The following FBXL17 variants were observed in gnomAD, a reference collection of about 807,000 sequenced individuals.
The protein encoded by FBXL17 is F-box/LRR-repeat protein 17.
A neutral mutation model predicts 66.2 loss-of-function variants in FBXL17; 22 were observed. The ratio of observed to expected loss-of-function variants is 0.33; its 90% CI spans 0.24 to 0.47. The LOEUF (loss-of-function observed/expected upper bound fraction) is 0.47. Among genes scored for constraint, FBXL17 ranks in the 20% least tolerant of loss-of-function variants. The pLI, the probability that FBXL17 is intolerant of heterozygous loss-of-function variation, is 1.00. For missense variants in FBXL17, 878 were observed against 948.2 expected (o/e 0.93, Z 0.97); for synonymous variants, 474 against 400.5 (o/e 1.18, Z -2.19).
intron 7 of FBXL17, among the ~76,000 whole-genome samples, chr5:107,913,999 T>G (rs1750043247): frequency 6.6e-6 from 1 of 151,748 alleles, no homozygotes; most frequent in African/African-American, 2.4e-5. Context: ...CAGGAGGCAC[T>G]TCACACAATG....
At chr5:108,348,638 T>A (rs1047984756) in intron 3 of FBXL17, 108 bp from the exon 4 acceptor site, 1 of 1,060,692 alleles carries the variant, frequency 9.4e-7, no homozygotes, top group Admixed American at 2.4e-5. Flanking sequence ...GAGTTAAATA[T>A]TTATGTTACT....
At chr5:107,891,929 G>A (rs879461020) in intron 7 of FBXL17, among the ~76,000 whole-genome samples, 9 of 151,958 alleles carry the variant, frequency 5.9e-5, no homozygotes, top group Non-Finnish European at 1.3e-4. Context: ...TAAACCCATC[G>A]TAAGTTGAAA....
intron 4 of FBXL17, among the ~76,000 whole-genome samples, chr5:108,309,360 T>C (rs1410083354): frequency 1.3e-5 from 2 of 152,008 alleles, no homozygotes; most frequent in Non-Finnish European, 2.9e-5. Flanking sequence ...GAAAGAACTC[T>C]GTAAAAGTAC....
At chr5:107,993,120 C>G (rs1256781788) in intron 7 of FBXL17, among the ~76,000 whole-genome samples, 1 of 152,182 alleles carries the variant, frequency 6.6e-6, no homozygotes, top group African/African-American at 2.4e-5. Flanking sequence ...TGGTCTCGAT[C>G]TCCTGACCTC....
intron 7 of FBXL17, among the ~76,000 whole-genome samples, chr5:107,910,302 G>A (rs952165151): frequency 4.6e-5 from 7 of 152,086 alleles, no homozygotes; most frequent in African/African-American, 1.2e-4. Flanking sequence ...AACTTAATGA[G>A]TGATAAATTA....
chr5:108,153,234 T>C (rs1371256972), intron 6 of FBXL17, among the ~76,000 whole-genome samples: 3 of 152,210 alleles, frequency 2.0e-5, no homozygotes, highest in Non-Finnish European at 2.9e-5. Context: ...TACAGCAGCC[T>C]ATATTTTATC....
intron 7 of FBXL17, among the ~76,000 whole-genome samples, chr5:108,012,107 ATTTTAGTT>A (rs533085821): frequency 1.4e-3 from 211 of 152,294 alleles, no homozygotes; most frequent in Non-Finnish European, 2.6e-3. Context: ...CAATGGGGAA[ATTTTAGTT>A]TTTGTTTTGC....
At chr5:108,083,283 C>T (rs911200668) in intron 6 of FBXL17, among the ~76,000 whole-genome samples, 1 of 150,112 alleles carries the variant, frequency 6.7e-6, no homozygotes, top group African/African-American at 2.4e-5. Flanking sequence ...ATTAAGACAG[C>T]AGCTTCTTTT....
intron 4 of FBXL17, among the ~76,000 whole-genome samples, chr5:108,275,999 T>A (rs975039748): frequency 2.0e-5 from 3 of 152,126 alleles, no homozygotes; most frequent in Admixed American, 6.5e-5. Flanking sequence ...ACATTATGCA[T>A]AAAATTTTTA....
chr5:108,107,853 C>A (rs552375745), intron 6 of FBXL17, among the ~76,000 whole-genome samples: 1 of 151,292 alleles, frequency 6.6e-6, no homozygotes, highest in East Asian at 1.9e-4. Flanking sequence ...AAAAGAGAGA[C>A]CTCATTCTCA....
At chr5:107,897,534 G>A (rs1580693453) in intron 7 of FBXL17, among the ~76,000 whole-genome samples, 1 of 152,170 alleles carries the variant, frequency 6.6e-6, no homozygotes, top group Non-Finnish European at 1.5e-5. Flanking sequence ...GCCTTTTAAA[G>A]TTCTTTTGAT....
chr5:108,248,636 T>G (rs1385274483), intron 4 of FBXL17, among the ~76,000 whole-genome samples: 1 of 151,908 alleles, frequency 6.6e-6, no homozygotes, highest in African/African-American at 2.4e-5. Context: ...CCCAAAGAAA[T>G]ACATGTCAGG....
chr5:108,027,822 A>G (rs1754887072), intron 6 of FBXL17, among the ~76,000 whole-genome samples: 1 of 152,154 alleles, frequency 6.6e-6, no homozygotes, highest in Admixed American at 6.5e-5. Context: ...AGCTTTCCTA[A>G]TTCACCAGTT....
chr5:108,274,592 C>T lies in FBXL17; in HGVS notation c.1507-50364G>A, dbSNP rs548030203. Among the ~76,000 whole-genome samples the T allele has an allele frequency of 2.0e-5, 3 of 152,206 alleles. No homozygotes were observed. In the East Asian group the frequency reaches 5.8e-4, roughly 29 times the overall value. On this transcript the variant is annotated intron_variant, in intron 4 of 8. Transcript: ENST00000542267. ...CTGAGGTGATATACATCCTCCTCAG[C>T]TGAAAGGATTAAGAGATTAAAGACA...
At chr5:107,864,310 A>G (rs1307632602) in intron 8 of FBXL17, among the ~76,000 whole-genome samples, 1 of 152,224 alleles carries the variant, frequency 6.6e-6, no homozygotes, top group Non-Finnish European at 1.5e-5. Flanking sequence ...ATCTCATAAA[A>G]TAAACCTTGT....
chr5:108,217,807 C>G (rs1361660256), intron 5 of FBXL17, among the ~76,000 whole-genome samples: 2 of 152,026 alleles, frequency 1.3e-5, no homozygotes, highest in African/African-American at 4.8e-5. Context: ...TGGTAACCAC[C>G]ATTCTAATCT....
At chr5:108,001,621 C>A (rs1441130590) in intron 7 of FBXL17, among the ~76,000 whole-genome samples, 6 of 152,032 alleles carry the variant, frequency 3.9e-5, no homozygotes. Flanking sequence ...CTGCCTCAGC[C>A]TCCCAAGTAG....
intron 4 of FBXL17, among the ~76,000 whole-genome samples, chr5:108,338,539 C>T (rs533224611): frequency 1.3e-5 from 2 of 152,100 alleles, no homozygotes; most frequent in Non-Finnish European, 2.9e-5. Context: ...TTGAGTACTT[C>T]TACCATCATA....
chr5:108,193,171 G>C (rs1324037748), intron 5 of FBXL17, among the ~76,000 whole-genome samples: 1 of 152,320 alleles, frequency 6.6e-6, no homozygotes, highest in Middle Eastern at 3.4e-3. Flanking sequence ...CAAGGGTTAA[G>C]ACAGGCTGCC....
Sources: gnomAD v4.1 joint callset for allele counts (sites outside exome capture counted in the v4.1 genomes callset) on GRCh38, gnomAD v4.1.1 for gene constraint, MANE v1.5 for transcripts, NCBI Gene and HGNC (gene_info 2026-07-23, HGNC 2026-07-21) for gene names.